LONRF1: variants seen among roughly 807,000 people sequenced by gnomAD.
LONRF1 encodes the protein LON peptidase N-terminal domain and ring finger 1.
A neutral mutation model predicts 85.8 loss-of-function variants in LONRF1; 37 were observed. The ratio of observed to expected loss-of-function variants is 0.43; its 90% CI spans 0.33 to 0.57. The LOEUF (loss-of-function observed/expected upper bound fraction) is 0.57. LONRF1 is among the 20% of genes least tolerant of loss of function. The pLI is 0.04. For synonymous variants in LONRF1, 517 were observed against 390.1 expected (o/e 1.33, Z -3.83); for missense variants, 1,036 against 978.0 (o/e 1.06, Z -0.79).
At chr8:12,730,225 GA>G (rs1798476178) in intron 8 of LONRF1, among the ~76,000 whole-genome samples, 1 of 152,200 alleles carries the variant, frequency 6.6e-6, no homozygotes. Flanking sequence ...TGAATTAGAA[GA>G]AATGCTTATA....
At chr8:12,754,605 G>A (rs918514343) in intron 1 of LONRF1, 95 bp downstream of exon 1, 5 of 1,219,148 alleles carry the variant, frequency 4.1e-6, no homozygotes, top group East Asian at 3.4e-5. Flanking sequence ...GGGAAGCAGA[G>A]GAGACTCTCG....
intron 1 of LONRF1, 49 bp from the exon 2 acceptor site, chr8:12,743,331 C>T: frequency 9.2e-7 from 1 of 1,081,758 alleles, no homozygotes; most frequent in Non-Finnish European, 1.4e-6. Context: ...AAGATTATTA[C>T]ATAATCTACA....
At chr8:12,751,953 T>C (rs888460373) in intron 1 of LONRF1, among the ~76,000 whole-genome samples, 1 of 152,186 alleles carries the variant, frequency 6.6e-6, no homozygotes, top group African/African-American at 2.4e-5. Flanking sequence ...ATCAATGGTT[T>C]AAATGTTATC....
At chr8:12,741,114 T>A in intron 2 of LONRF1, 118 bp from the exon 3 acceptor site, 5 of 1,068,092 alleles carry the variant, frequency 4.7e-6, no homozygotes, top group Admixed American at 2.1e-5. Flanking sequence ...CCGGGTGCAG[T>A]AGCTCACGCC....
intron 1 of LONRF1, chr8:12,754,163 GC>G (rs1485775417): frequency 1.3e-5 from 2 of 152,110 alleles, no homozygotes; most frequent in Non-Finnish European, 2.9e-5. Flanking sequence ...ATGCAATTCT[GC>G]CCTCCCGCGG....
intron 10 of LONRF1, 128 bp from the exon 11 acceptor site, chr8:12,726,007 G>C: frequency 2.6e-6 from 2 of 780,534 alleles, no homozygotes; most frequent in Non-Finnish European, 4.1e-6. Flanking sequence ...TGACGTCCCA[G>C]AGAGTATTAT....
At chr8:12,748,626 T>G (rs1365570204) in intron 1 of LONRF1, among the ~76,000 whole-genome samples, 1 of 152,222 alleles carries the variant, frequency 6.6e-6, no homozygotes, top group Admixed American at 6.5e-5. Flanking sequence ...AAAAATAGCA[T>G]CGTAATTTTA....
chr8:12,725,838 A>G lies in LONRF1; in HGVS notation c.2052T>C (p.His684=). The G allele has an allele frequency of 6.2e-7, 1 of 1,613,410 alleles. No homozygotes were observed. The highest frequency in any genetic ancestry group is 8.5e-7 in the Non-Finnish European group (1 of 1,179,580). The change falls in exon 11 of 12, where the codon CAT becomes CAC. Residue 684 remains histidine (H), a synonymous_variant. Transcript: ENST00000398246. Reference sequence around the variant, plus strand: ...TGCAGGCTTGAGAGTAAACCAAATCATGAAGCTCTCTGAGATTCTTAATCT... The same window carrying G: ...TGCAGGCTTGAGAGTAAACCAAATCGTGAAGCTCTCTGAGATTCTTAATCT... ...EDEIKNLREL[H]DLVYSQACSW... is the part of the protein sequence containing the mutation.
At chr8:12,724,088 G>A (rs1343710831) in intron 11 of LONRF1, among the ~76,000 whole-genome samples, 1 of 152,098 alleles carries the variant, frequency 6.6e-6, no homozygotes. Context: ...AATCAGATTC[G>A]GTTTCTATAT....
chr8:12,723,285 TA>T (rs1306733798), intron 11 of LONRF1, 31 bp from the exon 12 acceptor site: 1 of 1,569,088 alleles, frequency 6.4e-7, no homozygotes, highest in South Asian at 1.2e-5. Flanking sequence ...ATAGCATTAA[TA>T]AAACAAGGAT....
chr8:12,742,360 T>C (rs1253300987), intron 2 of LONRF1, among the ~76,000 whole-genome samples: 1 of 152,222 alleles, frequency 6.6e-6, no homozygotes, highest in Non-Finnish European at 1.5e-5. Flanking sequence ...GCCTTGACAA[T>C]TTGATAAAAA....
At chr8:12,751,296 G>GTTTTTTTTTTTTTTGTTTTTTTTTTTTTT (rs1563160508) in intron 1 of LONRF1, among the ~76,000 whole-genome samples, 21 of 69,528 alleles carry the variant, frequency 3.0e-4, no homozygotes, top group South Asian at 6.3e-4. Flanking sequence ...TTATTTTTAT[G>GTTTTTTTTTTTTTTGTTTTTTTTTTTTTT]TTTTTTTTTT....
rs766271287 is a variant in LONRF1 at position 12,736,998 on chromosome 8, A to G, written c.1256T>C (p.Val419Ala). The change falls in exon 5 of 12, where the codon GTT becomes GCT. Residue 419 changes from valine (V) to alanine (A), a missense_variant. By Grantham distance (64) the Val-to-Ala change is moderately conservative. Transcript: ENST00000398246. The stretch of plus-strand genomic sequence containing the variant: ...TTTCAGCAGAACACCTTTTTCTTGA[A>G]CTGACAGAACAGGTTCTGAGGACAC... ...KRVSSEPVLSVQEKGVLLKRK... is the reference protein window; with the variant it reads ...KRVSSEPVLSAQEKGVLLKRK... 6.2e-7 allele frequency: 1 copy of G among 1,613,634 alleles called. No individual in the cohort carries two copies.
chr8:12,738,659 A>G (rs1230220333), intron 3 of LONRF1: 5 of 152,216 alleles, frequency 3.3e-5, no homozygotes, highest in African/African-American at 7.2e-5. Context: ...CTGCTGCCCA[A>G]TACTTGGTTA....
At chr8:12,729,366 T>G (rs756824589) in intron 8 of LONRF1, 34 bp from the exon 9 acceptor site, 1 of 1,601,136 alleles carries the variant, frequency 6.2e-7, no homozygotes, top group South Asian at 1.1e-5. Context: ...TTAGAATTCA[T>G]ACAAGAAAAA....
At chr8:12,751,294 A>ATGTTTTTTTTTTTTTTTT (rs1799379064) in intron 1 of LONRF1, among the ~76,000 whole-genome samples, 1 of 84,808 alleles carries the variant, frequency 1.2e-5, no homozygotes, top group Admixed American at 1.7e-4. Flanking sequence ...TTTTATTTTT[A>ATGTTTTTTTTTTTTTTTT]TGTTTTTTTT....
chr8:12,732,661 TTAA>T (rs1457041360), intron 7 of LONRF1, among the ~76,000 whole-genome samples: 4 of 152,226 alleles, frequency 2.6e-5, no homozygotes, highest in Non-Finnish European at 5.9e-5. Context: ...AAACTCTTCC[TTAA>T]TTATTTTTTT....
intron 6 of LONRF1, among the ~76,000 whole-genome samples, chr8:12,736,164 A>C (rs186963414): frequency 1.3e-5 from 2 of 152,256 alleles, no homozygotes; most frequent in East Asian, 3.9e-4. Context: ...ACCCCGTATG[A>C]ATCTTTTGAT....
chr8:12,741,765 T>C (rs1378264889), intron 2 of LONRF1, among the ~76,000 whole-genome samples: 1 of 152,214 alleles, frequency 6.6e-6, no homozygotes, highest in Non-Finnish European at 1.5e-5. Context: ...GCCCATGAAA[T>C]TTTTTAAGGA....
Sources: allele counts gnomAD v4.1 joint callset (sites outside exome capture counted in the v4.1 genomes callset), GRCh38; gene constraint gnomAD v4.1.1; transcripts MANE v1.5; gene names NCBI Gene and HGNC (gene_info 2026-07-23, HGNC 2026-07-21).